LHFPL1: variants seen among roughly 807,000 people sequenced by gnomAD.
LHFPL1 encodes the protein LHFPL tetraspan subfamily member 1 protein.
In LHFPL1, 4 loss-of-function variants were observed where a neutral mutation model predicts 12.1. The observed-to-expected ratio is 0.33, with a 90% CI of 0.16 to 0.76. The LOEUF is 0.76. Among genes scored for constraint, LHFPL1 ranks in the 30% least tolerant of loss-of-function variants. The pLI is 0.61. For missense variants in LHFPL1, 141 were observed against 174.1 expected (o/e 0.81, Z 1.07); for synonymous variants, 52 against 61.9 (o/e 0.84, Z 0.75).
intron 3 of LHFPL1, among the ~76,000 whole-genome samples, chrX:112,639,597 T>G (rs1032730307): frequency 1.8e-5 from 2 of 112,275 alleles, no homozygotes; most frequent in African/African-American, 6.5e-5. Flanking sequence ...CACACACTTC[T>G]GCCGAACAAA....
chrX:112,662,026 G>GA (rs1347967452), intron 2 of LHFPL1, among the ~76,000 whole-genome samples: 1 of 112,451 alleles, frequency 8.9e-6, no homozygotes, highest in African/African-American at 3.2e-5. Flanking sequence ...GAAACTGCTA[G>GA]AAAAAAGAGA....
At chrX:112,666,421 G>A (rs1931335232) in intron 2 of LHFPL1, among the ~76,000 whole-genome samples, 1 of 111,454 alleles carries the variant, frequency 9.0e-6, no homozygotes, top group Non-Finnish European at 1.9e-5. Flanking sequence ...GGCTGCATTG[G>A]ACCTGGCCTT....
At chrX:112,634,310 G>A (rs751673119) in intron 3 of LHFPL1, among the ~76,000 whole-genome samples, 60 of 110,800 alleles carry the variant, frequency 5.4e-4, no homozygotes, top group Non-Finnish European at 7.6e-5. Flanking sequence ...AGGAGGGGGG[G>A]CTCCTAAGTC....
At chrX:112,662,613 C>A (rs983394361) in intron 2 of LHFPL1, among the ~76,000 whole-genome samples, 2 of 111,877 alleles carry the variant, frequency 1.8e-5, no homozygotes, top group Non-Finnish European at 3.8e-5. Flanking sequence ...AAAACAATGA[C>A]CAATTAAGGT....
At chrX:112,659,344 C>T (rs5974245) in intron 3 of LHFPL1, among the ~76,000 whole-genome samples, 1,760 of 111,027 alleles carry the variant, frequency 0.016, 31 homozygotes, top group African/African-American at 0.055. Context: ...CCTGTAGTCC[C>T]AGCCACTTGA....
chrX:112,672,325 T>A (rs1356276083), intron 1 of LHFPL1, among the ~76,000 whole-genome samples: 2 of 111,815 alleles, frequency 1.8e-5, no homozygotes, highest in African/African-American at 6.5e-5. Flanking sequence ...GAACAAGTAA[T>A]CTTGTAATCA....
chrX:112,653,544 G>C (rs900130221), intron 3 of LHFPL1, among the ~76,000 whole-genome samples: 2 of 112,396 alleles, frequency 1.8e-5, no homozygotes, highest in Admixed American at 1.9e-4. Flanking sequence ...GAATGGAAAG[G>C]ATAAAGTGGG....
chrX:112,636,089 C>T (rs1362107953), intron 3 of LHFPL1, among the ~76,000 whole-genome samples: 1 of 111,155 alleles, frequency 9.0e-6, no homozygotes, highest in Non-Finnish European at 1.9e-5. Context: ...AACACCCTGG[C>T]TTCTACCCAC....
intron 3 of LHFPL1, among the ~76,000 whole-genome samples, chrX:112,652,324 A>G (rs1930877138): frequency 8.9e-6 from 1 of 111,794 alleles, no homozygotes; most frequent in South Asian, 3.8e-4. Flanking sequence ...CAGAAAGCCT[A>G]CGGTGTGTGA....
At chrX:112,666,460 G>T (rs1354837743) in intron 2 of LHFPL1, among the ~76,000 whole-genome samples, 3 of 111,295 alleles carry the variant, frequency 2.7e-5, no homozygotes, top group Non-Finnish European at 5.6e-5. Context: ...TTACAGGGAG[G>T]GATAGAAGAA....
intron 1 of LHFPL1, among the ~76,000 whole-genome samples, chrX:112,678,582 G>GAATCTGA (rs1367417970): frequency 8.9e-6 from 1 of 112,132 alleles, no homozygotes; most frequent in Admixed American, 9.4e-5. Flanking sequence ...AGTGAATCTG[G>GAATCTGA]CCCATATGGG....
At chrX:112,640,301 G>A (rs1930465512) in intron 3 of LHFPL1, among the ~76,000 whole-genome samples, 1 of 110,948 alleles carries the variant, frequency 9.0e-6, no homozygotes, top group Non-Finnish European at 1.9e-5. Flanking sequence ...GAAAGGAGCT[G>A]GGGAGTTTTC....
chrX:112,637,895 G>C (rs1930391434), intron 3 of LHFPL1, among the ~76,000 whole-genome samples: 1 of 112,073 alleles, frequency 8.9e-6, no homozygotes, highest in South Asian at 3.7e-4. Context: ...ACTGTAGAAG[G>C]AAAAAACAAG....
At chrX:112,652,815 C>T (rs1371607848) in intron 3 of LHFPL1, among the ~76,000 whole-genome samples, 1 of 111,990 alleles carries the variant, frequency 8.9e-6, no homozygotes, top group African/African-American at 3.2e-5. Flanking sequence ...AGGATAATGT[C>T]AGTAGATGAA....
chrX:112,638,263 G>C (rs1400920302), intron 3 of LHFPL1, among the ~76,000 whole-genome samples: 1 of 111,636 alleles, frequency 9.0e-6, no homozygotes, highest in Non-Finnish European at 1.9e-5. Flanking sequence ...TGACACCAAG[G>C]ATAGAGAAGA....
At chrX:112,650,714 G>A (rs1216850388) in intron 3 of LHFPL1, among the ~76,000 whole-genome samples, 1 of 110,683 alleles carries the variant, frequency 9.0e-6, no homozygotes, top group African/African-American at 3.3e-5. Flanking sequence ...TGTCCAATAT[G>A]GTAGCCACTA....
chrX:112,646,615 G>T (rs1027986000), intron 3 of LHFPL1, among the ~76,000 whole-genome samples: 1 of 110,684 alleles, frequency 9.0e-6, no homozygotes, highest in African/African-American at 3.3e-5. Flanking sequence ...AAATCTAGAG[G>T]CATTTAAGAA....
At chrX:112,656,617 T>G (rs976932625) in intron 3 of LHFPL1, among the ~76,000 whole-genome samples, 1 of 111,736 alleles carries the variant, frequency 8.9e-6, no homozygotes, top group Non-Finnish European at 1.9e-5. Flanking sequence ...TCTAGAAAAT[T>G]TTAAGGAATA....
At chrX:112,664,490 C>T (rs1931275401) in intron 2 of LHFPL1, among the ~76,000 whole-genome samples, 2 of 111,718 alleles carry the variant, frequency 1.8e-5, no homozygotes, top group African/African-American at 6.5e-5. Flanking sequence ...CACAGGTACC[C>T]GCTGAAAGAA....
Sources: allele counts gnomAD v4.1 joint callset (sites outside exome capture counted in the v4.1 genomes callset), GRCh38; gene constraint gnomAD v4.1.1; transcripts MANE v1.5; gene names NCBI Gene and HGNC (gene_info 2026-07-23, HGNC 2026-07-21).